The following TMEM266 variants were observed in gnomAD, a reference collection of about 807,000 sequenced individuals.
The protein encoded by TMEM266 is Hv1 related protein 1.
Under a neutral mutation model 50.5 loss-of-function variants are expected in TMEM266, and 33 were observed. That is an observed-to-expected ratio of 0.65 (90% confidence interval 0.50 to 0.87). The LOEUF (loss-of-function observed/expected upper bound fraction) is 0.87. Ranked by LOEUF, TMEM266 falls within the 40% of genes least tolerant of loss-of-function variation. The probability of loss-of-function intolerance (pLI) is 0.00; values close to 1 mark genes in which losing one functional copy is unlikely to be tolerated. For missense variants in TMEM266, 655 were observed against 695.1 expected (o/e 0.94, Z 0.65); for synonymous variants, 310 against 292.3 (o/e 1.06, Z -0.62).
intron 3 of TMEM266, among the ~76,000 whole-genome samples, chr15:76,155,989 T>A (rs1406337008): frequency 6.6e-6 from 1 of 152,238 alleles, no homozygotes; most frequent in East Asian, 1.9e-4. Flanking sequence ...GACTGTCCGC[T>A]AACCCACCAG....
chr15:76,108,329 G>C (rs971404362), intron 1 of TMEM266, among the ~76,000 whole-genome samples: 2 of 152,218 alleles, frequency 1.3e-5, no homozygotes, highest in Non-Finnish European at 2.9e-5. Flanking sequence ...GCCTTCCAGG[G>C]AACTCCCAGC....
At chr15:76,185,927 A>T (rs2469568) in intron 8 of TMEM266, among the ~76,000 whole-genome samples, 20,414 of 152,172 alleles carry the variant, frequency 0.13, 1,626 homozygotes, top group African/African-American at 0.22. Flanking sequence ...AGTGAAACCA[A>T]GGCCCGGGGA....
At chr15:76,200,780 A>G (rs910656914) in intron 9 of TMEM266, among the ~76,000 whole-genome samples, 8 of 152,214 alleles carry the variant, frequency 5.3e-5, no homozygotes, top group African/African-American at 1.9e-4. Flanking sequence ...AGCTGCAAGA[A>G]GAGTGTAGCT....
chr15:76,121,491 A>G (rs2037345347), intron 1 of TMEM266, among the ~76,000 whole-genome samples: 1 of 152,008 alleles, frequency 6.6e-6, no homozygotes, highest in Non-Finnish European at 1.5e-5. Flanking sequence ...ATATCAGCTC[A>G]CTGCAACCTC....
chr15:76,103,329 C>A (rs4886765), intron 1 of TMEM266, among the ~76,000 whole-genome samples: 47,581 of 140,256 alleles, frequency 0.34, 8,258 homozygotes, highest in East Asian at 0.57. Flanking sequence ...GTCTCAAAAC[C>A]CCATCTCTGC....
chr15:76,196,007 G>A (rs897452823), intron 9 of TMEM266, among the ~76,000 whole-genome samples: 5 of 152,238 alleles, frequency 3.3e-5, no homozygotes, highest in Non-Finnish European at 7.3e-5. Flanking sequence ...GAGGGAGGCA[G>A]GGGCAGAAGG....
intron 1 of TMEM266, among the ~76,000 whole-genome samples, chr15:76,130,782 T>G (rs1171098828): frequency 6.6e-6 from 1 of 152,224 alleles, no homozygotes; most frequent in East Asian, 1.9e-4. Context: ...TACAATTCTC[T>G]ACAATTGTAT....
intron 1 of TMEM266, among the ~76,000 whole-genome samples, chr15:76,117,626 G>A (rs897124760): frequency 2.0e-5 from 3 of 152,116 alleles, no homozygotes; most frequent in African/African-American, 7.2e-5. Context: ...GTTTTGAATT[G>A]AAGGGAGATA....
chr15:76,061,223 A>G lies in TMEM266; in HGVS notation c.-97+1207A>G, dbSNP rs566193127. 2.6e-5 allele frequency among the ~76,000 whole-genome samples: 4 copies of G among 152,374 alleles called. No homozygotes were observed. In the East Asian group the frequency reaches 5.8e-4, roughly 22 times the overall value. On this transcript the variant is annotated intron_variant, in intron 1 of 10. Coordinates refer to ENST00000388942, the MANE Select transcript of TMEM266 (RefSeq NM_152335.3). ...TGATAGCTGAACCGTAATTGCTTCT[A>G]AAATGGTCAGAGTGTCACATCTAAT...
chr15:76,136,984 G>C (rs1596127527), intron 2 of TMEM266, among the ~76,000 whole-genome samples: 1 of 152,220 alleles, frequency 6.6e-6, no homozygotes, highest in African/African-American at 2.4e-5. Flanking sequence ...CACTGGAGTG[G>C]TTAGTTATTG....
At chr15:76,100,067 AC>A (rs2036979570) in intron 1 of TMEM266, among the ~76,000 whole-genome samples, 1 of 152,168 alleles carries the variant, frequency 6.6e-6, no homozygotes, top group South Asian at 2.1e-4. Flanking sequence ...CTCCCTCAAC[AC>A]ATGGGGATTA....
At chr15:76,070,833 T>G (rs74584028) in intron 1 of TMEM266, among the ~76,000 whole-genome samples, 4,083 of 152,228 alleles carry the variant, frequency 0.027, 205 homozygotes, top group African/African-American at 0.093. Flanking sequence ...ATCTTGATAT[T>G]CCTCCAAATA....
At chr15:76,134,822 GAACCTTAGTA>G (rs1180260600) in intron 2 of TMEM266, among the ~76,000 whole-genome samples, 1 of 152,198 alleles carries the variant, frequency 6.6e-6, no homozygotes, top group Non-Finnish European at 1.5e-5. Context: ...ACCAACCATA[GAACCTTAGTA>G]GAATACAACA....
chr15:76,159,937 G>A (rs2037991166), intron 4 of TMEM266, among the ~76,000 whole-genome samples, 158 bp from the exon 5 acceptor site: 1 of 152,234 alleles, frequency 6.6e-6, no homozygotes, highest in South Asian at 2.1e-4. Flanking sequence ...GACGCCAGCT[G>A]AAGCTGCCCT....
Position 76,067,463 on chromosome 15 carries a change from A to T in TMEM266, c.-97+7447A>T, listed in dbSNP as rs189613262. 4.9e-3 allele frequency among the ~76,000 whole-genome samples: 745 copies of T among 151,782 alleles called. 3 individuals carry two copies. The highest frequency in any genetic ancestry group is 0.017 in the African/African-American group (718 of 41,356). Reference sequence around the variant, plus strand: ...TTTGAGACCAGCCTGGCCAACATGGAGAAACCCCGTCTCTACTAAAAATAC... The same window carrying T: ...TTTGAGACCAGCCTGGCCAACATGGTGAAACCCCGTCTCTACTAAAAATAC... On this transcript the variant is annotated intron_variant, in intron 1 of 10. Coordinates refer to ENST00000388942, the MANE Select transcript of TMEM266 (RefSeq NM_152335.3).
chr15:76,130,243 A>C (rs1281065272), intron 1 of TMEM266, among the ~76,000 whole-genome samples: 3 of 119,510 alleles, frequency 2.5e-5, no homozygotes, highest in South Asian at 2.8e-4. Flanking sequence ...AAAAAAAAAA[A>C]AAAAAAAAAA....
chr15:76,202,660 A>C (rs1300375872), intron 10 of TMEM266, among the ~76,000 whole-genome samples: 14 of 152,104 alleles, frequency 9.2e-5, no homozygotes, highest in Non-Finnish European at 1.5e-5. Context: ...CCTTGGGTAC[A>C]TTCCTGCTGG....
At chr15:76,199,338 C>G (rs2038703713) in intron 9 of TMEM266, among the ~76,000 whole-genome samples, 1 of 152,248 alleles carries the variant, frequency 6.6e-6, no homozygotes, top group Non-Finnish European at 1.5e-5. Context: ...AAGGACTCAA[C>G]TATGTAGGCA....
chr15:76,203,781 G>A lies in TMEM266; in HGVS notation c.1062G>A (p.Thr354=), dbSNP rs774429685. ...AGCCAGCTGTGTGTATGGTCACCAC[G>A]GCCGCAATAGACATTCACCAGCCCA... Residue 354 remains threonine, a synonymous_variant, in exon 11 of 11, where the codon ACG becomes ACA. Transcript: ENST00000388942. 3.7e-6 allele frequency: 6 copies of A among 1,614,002 alleles called. No individual in the cohort carries two copies. In the African/African-American group the frequency reaches 4.0e-5, roughly 11 times the overall value.
Sources: gnomAD v4.1 joint callset for allele counts (sites outside exome capture counted in the v4.1 genomes callset) on GRCh38, gnomAD v4.1.1 for gene constraint, MANE v1.5 for transcripts, NCBI Gene and HGNC (gene_info 2026-07-23, HGNC 2026-07-21) for gene names.